Variants in RASA2 observed in about 807,000 individuals in gnomAD.
RASA2 encodes RAS p21 protein activator 2.
A neutral mutation model predicts 118.2 loss-of-function variants in RASA2; 155 were observed. The ratio of observed to expected loss-of-function variants is 1.31; its 90% confidence interval spans 1.15 to 1.50. The LOEUF (loss-of-function observed/expected upper bound fraction) is 1.50, where lower values mean the gene tolerates loss of function less well. Ranked by LOEUF, RASA2 falls within the 40% of genes most tolerant of loss-of-function variation. The pLI is 0.00. For missense variants in RASA2, 1,016 were observed against 1,009.6 expected, an observed-to-expected ratio of 1.01 and a Z score of -0.09; for synonymous variants, 353 against 349.1, an observed-to-expected ratio of 1.01 and a Z score of -0.12.
intron 9 of RASA2, among the ~76,000 whole-genome samples, chr3:141,566,031 A>G (rs553612982): frequency 2.0e-5 from 3 of 152,290 alleles, no homozygotes; most frequent in South Asian, 2.1e-4. Context: ...TAAATGTTCT[A>G]TTAAAGCCTT....
Position 141,600,626 on chromosome 3 carries a change from C to T in RASA2, c.1934-7052C>T, listed in dbSNP as rs1388401262. The T allele has an allele frequency of 4.1e-5, 7 of 172,022 alleles. No homozygotes were observed. In the South Asian group the frequency reaches 4.4e-4, roughly 11 times the overall value. The allele number at this position is 172,022 out of a possible 1,614,324, so 10.7% of individuals were successfully genotyped here. A position where few individuals can be genotyped will look rare whatever the true frequency, so the allele number is the denominator to read the frequency against. On this transcript the variant is annotated intron_variant, in intron 19 of 23. Coordinates refer to ENST00000286364, the MANE Select transcript of RASA2 (RefSeq NM_006506.5). The stretch of plus-strand genomic sequence containing the variant: ...AAGAGAGCAAGGGCAAGCGCCGACC[C>T]GGAGCAGGAGGAGTCCTTCAGAGCT...
chr3:141,581,215 T>G, intron 17 of RASA2, 38 bp downstream of exon 17: 1 of 1,300,796 alleles, frequency 7.7e-7, no homozygotes, highest in South Asian at 1.9e-5. Flanking sequence ...AATATTTATT[T>G]CATATAACAT....
chr3:141,497,077 A>G (rs2081713166), intron 1 of RASA2, among the ~76,000 whole-genome samples: 4 of 149,172 alleles, frequency 2.7e-5, no homozygotes, highest in Admixed American at 2.7e-4. Flanking sequence ...GAAAAACCAA[A>G]CACCACATGT....
chr3:141,574,924 G>A (rs939721810), intron 14 of RASA2, among the ~76,000 whole-genome samples: 1 of 152,086 alleles, frequency 6.6e-6, no homozygotes, highest in African/African-American at 2.4e-5. Flanking sequence ...ATCAGTAACT[G>A]GCATGTTTTA....
intron 19 of RASA2, chr3:141,590,264 A>C (rs1454185211): frequency 4.8e-6 from 2 of 420,220 alleles, no homozygotes; most frequent in Admixed American, 2.7e-5. Flanking sequence ...ACTCCAGCTA[A>C]ATGCATTTAC....
intron 19 of RASA2, among the ~76,000 whole-genome samples, chr3:141,602,493 C>A (rs544074685): frequency 4.4e-4 from 67 of 152,260 alleles, no homozygotes; most frequent in South Asian, 6.2e-4. Context: ...GCTGGGTGGC[C>A]CAGTTCCTAA....
intron 19 of RASA2, among the ~76,000 whole-genome samples, chr3:141,602,347 A>G (rs939592559): frequency 6.6e-6 from 1 of 152,172 alleles, no homozygotes; most frequent in African/African-American, 2.4e-5. Flanking sequence ...AGATTCTCAT[A>G]AGGAGTGCAC....
chr3:141,609,569 A>G (rs1415018203), intron 22 of RASA2, 46 bp downstream of exon 22: 1 of 1,384,294 alleles, frequency 7.2e-7, no homozygotes, highest in East Asian at 2.3e-5. Flanking sequence ...TTTCATTACC[A>G]ATTCCTAAAG....
Position 141,576,116 on chromosome 3 carries a change from T to C in RASA2, c.1484-884T>C, listed in dbSNP as rs567838929. Among the ~76,000 whole-genome samples, 20 of 152,328 alleles carry C rather than the reference T, an allele frequency of 1.3e-4. No individual in the cohort carries two copies. The East Asian group carries it at 3.9e-3, about 29-fold the overall frequency. ...TTATATACATGCAGATGTATCTCTT[T>C]AGTTATGTTTTTGTTGACTTAACTA... On this transcript the variant is annotated intron_variant, in intron 14 of 23. Coordinates refer to ENST00000286364, the MANE Select transcript of RASA2 (RefSeq NM_006506.5).
At chr3:141,590,451 C>G (rs2083271354) in intron 19 of RASA2, among the ~76,000 whole-genome samples, 1 of 152,154 alleles carries the variant, frequency 6.6e-6, no homozygotes, top group Non-Finnish European at 1.5e-5. Flanking sequence ...ACAGTAGTGT[C>G]CTATAAGTGA....
intron 4 of RASA2, among the ~76,000 whole-genome samples, chr3:141,530,657 C>T (rs1413262271): frequency 6.6e-6 from 1 of 152,124 alleles, no homozygotes; most frequent in Non-Finnish European, 1.5e-5. Context: ...CCTGTGTCTC[C>T]ATTTCCTCAT....
chr3:141,600,693 C>A (rs2083449958), intron 19 of RASA2: 1 of 154,290 alleles, frequency 6.5e-6, no homozygotes, highest in Non-Finnish European at 1.4e-5. Flanking sequence ...CCACTTTGAT[C>A]TGCCTTTTAG....
intron 19 of RASA2, among the ~76,000 whole-genome samples, chr3:141,588,893 G>A (rs1042350685): frequency 1.3e-5 from 2 of 150,938 alleles, no homozygotes; most frequent in African/African-American, 2.4e-5. Context: ...CCAGACTGGA[G>A]GGCAGTGGCA....
chr3:141,581,072 T>C, intron 16 of RASA2, 28 bp from the exon 17 acceptor site: 2 of 1,496,950 alleles, frequency 1.3e-6, no homozygotes, highest in Non-Finnish European at 1.8e-6. Flanking sequence ...ATTTAACACA[T>C]ATAAACCCTG....
chr3:141,496,687 A>G lies in RASA2; in HGVS notation c.133+9471A>G, dbSNP rs2081707311. 2.0e-5 allele frequency among the ~76,000 whole-genome samples: 3 copies of G among 152,222 alleles called. No individual in the cohort carries two copies. In the South Asian group the frequency reaches 6.2e-4, roughly 31 times the overall value. ...ACAACAGGTGCTGGAGAGGATGTGG[A>G]GAAATAGGAACACTTTTACACTGTT... On this transcript the variant is annotated intron_variant, in intron 1 of 23. Transcript: ENST00000286364.
Position 141,487,080 on chromosome 3 carries a change from C to T in RASA2, c.-4C>T. On this transcript the variant is annotated 5_prime_UTR_variant, in exon 1 of 24. Coordinates refer to ENST00000286364, the MANE Select transcript of RASA2 (RefSeq NM_006506.5). ...CAGGGCTGCGGCACGGGCCGGGCGG[C>T]ACCATGGCGGCGGCGGCGCCTGCTG... 7.4e-7 allele frequency: 1 copy of T among 1,343,924 alleles called. No homozygotes were observed. Among genetic ancestry groups the T allele is most frequent in the Non-Finnish European group, 9.7e-7 (1 of 1,034,744 alleles). 83.2% of individuals were successfully genotyped at this position (1,343,924 alleles called of 1,614,324 possible). A position where few individuals can be genotyped will look rare whatever the true frequency, so the allele number is the denominator to read the frequency against.
chr3:141,524,398 G>A lies in RASA2; in HGVS notation c.356-5310G>A, dbSNP rs1430238313. On this transcript the variant is annotated intron_variant, in intron 3 of 23. Transcript: ENST00000286364. ...ACCACACAATGGTGTAGATAACCAG[G>A]AGTTATGGAGGCCATTAATATACCA... is the stretch of plus-strand genomic sequence containing the variant. 3.3e-5 allele frequency among the ~76,000 whole-genome samples: 5 copies of A among 152,026 alleles called. No homozygotes were observed. In the East Asian group the frequency reaches 9.7e-4, roughly 29 times the overall value.
chr3:141,511,255 GATATCCAA>G (rs1157650033), intron 1 of RASA2, among the ~76,000 whole-genome samples: 4 of 152,164 alleles, frequency 2.6e-5, no homozygotes, highest in Non-Finnish European at 5.9e-5. Context: ...ATGCCTACTG[GATATCCAA>G]GGAGACAGTT....
At position 141,559,890 on chromosome 3, in the gene RASA2, T is replaced by C; in HGVS notation, c.762-4T>C. The C allele has an allele frequency of 6.2e-7, 1 of 1,612,306 alleles. No homozygotes were observed. The highest frequency in any genetic ancestry group is 1.7e-5 in the Admixed American group (1 of 59,960). On this transcript the variant is annotated splice_polypyrimidine_tract_variant and splice_region_variant and intron_variant, in intron 8 of 23. Transcript: ENST00000286364. ...AAAACATAAAGCCAGTTTTCAATTT[T>C]CAGGATCGACTTGTGGAACAATGGA... is the stretch of plus-strand genomic sequence containing the variant.
Sources: gnomAD v4.1 joint callset for allele counts (sites outside exome capture counted in the v4.1 genomes callset) on GRCh38, gnomAD v4.1.1 for gene constraint, MANE v1.5 for transcripts, NCBI Gene and HGNC (gene_info 2026-07-23, HGNC 2026-07-21) for gene names.